The following SF3B1 variants were observed in gnomAD, a reference collection of about 807,000 sequenced individuals.
SF3B1 encodes the protein pre-mRNA processing 10.
Under a neutral mutation model 153.8 loss-of-function variants are expected in SF3B1, and 12 were observed. The ratio of observed to expected loss-of-function variants is 0.08; its 90% confidence interval spans 0.05 to 0.13. The LOEUF is 0.13. Ranked by LOEUF, SF3B1 falls within the 10% of genes least tolerant of loss-of-function variation. SF3B1 has a pLI of 1.00. For missense variants in SF3B1, 513 were observed against 1,606.1 expected, an observed-to-expected ratio of 0.32 and a Z score of 11.63; for synonymous variants, 498 against 525.2, an observed-to-expected ratio of 0.95 and a Z score of 0.71.
intron 9 of SF3B1, among the ~76,000 whole-genome samples, chr2:197,407,724 G>C (rs1224091085): frequency 6.6e-6 from 1 of 152,020 alleles, no homozygotes; most frequent in Non-Finnish European, 1.5e-5. Flanking sequence ...TTATTCCTGG[G>C]ACTGCTAGAA....
rs2105982195 is a variant in SF3B1 at position 197,400,667 on chromosome 2, C to T, written c.2718+48G>A. The stretch of plus-strand genomic sequence containing the variant: ...TTTGCTTGACAACTAATATGCTTTT[C>T]TACAAATATTAAAGTTAGTAGCAAT... On this transcript the variant is annotated intron_variant, in intron 18 of 24. Coordinates refer to ENST00000335508, the MANE Select transcript of SF3B1 (RefSeq NM_012433.4). This position sits in a 1 kb window ranked among gnomAD's most constrained non-coding sequence, Gnocchi z 5.0. 2 of 1,394,508 alleles carry T rather than the reference C, an allele frequency of 1.4e-6. No homozygotes were observed. Among genetic ancestry groups the T allele is most frequent in the Non-Finnish European group, 2.0e-6 (2 of 1,006,026 alleles). 86.4% of individuals were successfully genotyped at this position (1,394,508 alleles called of 1,614,324 possible).
intron 6 of SF3B1, among the ~76,000 whole-genome samples, chr2:197,412,161 A>T (rs903103649): frequency 1.3e-5 from 2 of 150,594 alleles, no homozygotes; most frequent in African/African-American, 4.9e-5. Flanking sequence ...AAAATTCTGG[A>T]TTAGGTAAAT....
At chr2:197,412,845 C>T (rs1197531458) in intron 6 of SF3B1, among the ~76,000 whole-genome samples, 1 of 150,094 alleles carries the variant, frequency 6.7e-6, no homozygotes, top group Non-Finnish European at 1.5e-5. Flanking sequence ...GGCGTGGTGG[C>T]AGGCACCTGT....
intron 6 of SF3B1, among the ~76,000 whole-genome samples, chr2:197,414,807 T>C (rs1044966693): frequency 2.6e-4 from 40 of 152,154 alleles, no homozygotes; most frequent in African/African-American, 8.9e-4. Flanking sequence ...GAGTTTGAGA[T>C]CAGCCTGGAC....
At chr2:197,431,754 T>A (rs1031917712) in intron 1 of SF3B1, among the ~76,000 whole-genome samples, 2 of 152,278 alleles carry the variant, frequency 1.3e-5, no homozygotes, top group East Asian at 3.9e-4. Context: ...ATAGGACAAC[T>A]AACTATAATA....
At chr2:197,406,940 TAGCC>T (rs934772804) in intron 9 of SF3B1, among the ~76,000 whole-genome samples, 2 of 151,732 alleles carry the variant, frequency 1.3e-5, no homozygotes, top group African/African-American at 2.4e-5. Context: ...ATAAAAAAAT[TAGCC>T]AGGTATGGTA....
At chr2:197,420,208 CTCAT>C in intron 4 of SF3B1, 1 of 449,470 alleles carries the variant, frequency 2.2e-6, no homozygotes. Flanking sequence ...ATGGCATTGG[CTCAT>C]TTTTTTCTTG....
chr2:197,392,575 G>GGGGA, intron 24 of SF3B1, 114 bp from the exon 25 acceptor site: 1 of 314,808 alleles, frequency 3.2e-6, no homozygotes, highest in South Asian at 3.0e-5. Context: ...GGAGTTGGGG[G>GGGGA]GGGGGGAACC....
intron 20 of SF3B1, among the ~76,000 whole-genome samples, chr2:197,399,468 A>G (rs1456930878): frequency 1.3e-5 from 2 of 152,166 alleles, no homozygotes; most frequent in Non-Finnish European, 1.5e-5. Flanking sequence ...ATACTGCCCT[A>G]ATGGAATAAA....
intron 4 of SF3B1, 107 bp downstream of exon 4, chr2:197,420,321 T>C (rs1044340840): frequency 2.5e-6 from 2 of 795,044 alleles, no homozygotes; most frequent in African/African-American, 1.7e-5. Context: ...GGGGGATTTT[T>C]AAAAAGAAAA....
At chr2:197,420,171 G>C in intron 4 of SF3B1, 1 of 391,510 alleles carries the variant, frequency 2.6e-6, no homozygotes, top group Non-Finnish European at 4.7e-6. Context: ...AAAAGTAAAA[G>C]TAAAACCTTT....
At position 197,390,441 on chromosome 2, in the gene SF3B1, T is replaced by A. The variant is rs2084797393; in HGVS notation, c.*1862A>T. ...CCATAGAGAGCAGTGAGATTTAAAG[T>A]TGCATGGAAGTACCGCTGAAAACTT... On this transcript the variant is annotated 3_prime_UTR_variant, in exon 25 of 25. Coordinates refer to ENST00000335508, the MANE Select transcript of SF3B1 (RefSeq NM_012433.4). 6.6e-6 allele frequency: 1 copy of A among 152,232 alleles called. No individual in the cohort carries two copies. The highest frequency in any genetic ancestry group is 1.5e-5 in the Non-Finnish European group (1 of 68,042). 9.4% of individuals were successfully genotyped at this position (152,232 alleles called of 1,614,324 possible).
chr2:197,392,168 T>A lies in SF3B1; in HGVS notation c.*135A>T. On this transcript the variant is annotated 3_prime_UTR_variant, in exon 25 of 25. Transcript: ENST00000335508. Reference sequence around the variant, plus strand: ...ACAAAGACAGGTTATTTAAAAATCATGCTACTGGATTTCTAGCTCTTCCTC... The same window carrying A: ...ACAAAGACAGGTTATTTAAAAATCAAGCTACTGGATTTCTAGCTCTTCCTC... 1 of 470,716 alleles carries A rather than the reference T, an allele frequency of 2.1e-6. No individual in the cohort carries two copies. The highest frequency in any genetic ancestry group is 4.6e-5 in the South Asian group (1 of 21,932). The allele number at this position is 470,716 out of a possible 1,614,324, so 29.2% of individuals were successfully genotyped here.
Position 197,416,857 on chromosome 2 carries a change from C to T in SF3B1, c.550G>A (p.Val184Ile), listed in dbSNP as rs139823279. 4.9e-5 allele frequency: 79 copies of T among 1,614,026 alleles called. No homozygotes were observed. In the African/African-American group the frequency reaches 8.4e-4, roughly 17 times the overall value. The change falls in exon 6 of 25, where the codon GTC (valine) becomes ATC (isoleucine). Residue 184 changes from valine (V) to isoleucine (I), a missense_variant. Transcript: ENST00000335508. Reference protein sequence around the residue: ...EKAKAGELKVVNGAAASQPPS... With the variant: ...EKAKAGELKVINGAAASQPPS... ...GGCTGGGACGCTGCTGCTCCATTGA[C>T]GACTTTTAGTTCTCCAGCTTTAGCT... is the stretch of plus-strand genomic sequence containing the variant.
At position 197,416,527 on chromosome 2, in the gene SF3B1, T is replaced by C. The variant is rs553431338; in HGVS notation, c.666+214A>G. 1.3e-5 allele frequency: 6 copies of C among 473,986 alleles called. No homozygotes were observed. The Admixed American group carries it at 1.5e-4, about 12-fold the overall frequency. 29.4% of individuals were successfully genotyped at this position (473,986 alleles called of 1,614,324 possible). On this transcript the variant is annotated intron_variant, in intron 6 of 24. Coordinates refer to ENST00000335508, the MANE Select transcript of SF3B1 (RefSeq NM_012433.4). ...AGCTTGCTGGCACAGAGAAAGGCCA[T>C]GTGAGGACACAGCAAGAAAGCCCTC...
At chr2:197,418,724 T>TTA in intron 4 of SF3B1, 136 bp from the exon 5 acceptor site, 1 of 1,449,886 alleles carries the variant, frequency 6.9e-7, no homozygotes. Flanking sequence ...AAAACTTTAA[T>TTA]AATTATACAT....
intron 1 of SF3B1, among the ~76,000 whole-genome samples, chr2:197,434,225 C>T (rs2085486304): frequency 6.6e-6 from 1 of 152,216 alleles, no homozygotes; most frequent in Non-Finnish European, 1.5e-5. Context: ...CATTTTCTGT[C>T]ATCTCTGGAT....
In SF3B1 at chr2:197,391,384, T is replaced by C. The variant is rs2084808536; in HGVS notation, c.*919A>G. 1.3e-5 allele frequency: 2 copies of C among 152,256 alleles called. No individual in the cohort carries two copies. The highest frequency in any genetic ancestry group is 4.8e-5 in the African/African-American group (2 of 41,466). The allele number at this position is 152,256 out of a possible 1,614,324, so 9.4% of individuals were successfully genotyped here. A position where few individuals can be genotyped will look rare whatever the true frequency, so the allele number is the denominator to read the frequency against. On this transcript the variant is annotated 3_prime_UTR_variant, in exon 25 of 25. Coordinates refer to ENST00000335508, the MANE Select transcript of SF3B1 (RefSeq NM_012433.4). ...TCTTAAAGGTAGAGGGCAGGTCTCA[T>C]GCACCTTTGCATCCCCTGCATATAA...
intron 4 of SF3B1, chr2:197,419,062 A>G: frequency 1.2e-6 from 1 of 818,008 alleles, no homozygotes; most frequent in Non-Finnish European, 2.0e-6. Flanking sequence ...ATGACTAGAT[A>G]AGTTCTTCAT....
Sources: gnomAD v4.1 joint callset for allele counts (sites outside exome capture counted in the v4.1 genomes callset) on GRCh38, gnomAD v4.1.1 for gene constraint, Gnocchi (gnomAD v3.1) non-coding constraint, MANE v1.5 for transcripts, NCBI Gene and HGNC (gene_info 2026-07-23, HGNC 2026-07-21) for gene names.